Variants in RPGRIP1L observed in about 807,000 individuals in gnomAD.
RPGRIP1L encodes RPGRIP1 like.
In RPGRIP1L, 131 loss-of-function variants were observed where a neutral mutation model predicts 160.4. The ratio of observed to expected loss-of-function variants is 0.82; its 90% CI spans 0.71 to 0.94. The LOEUF is 0.94. Ranked by LOEUF, RPGRIP1L falls within the 40% of genes least tolerant of loss-of-function variation. RPGRIP1L has a pLI of 0.00. For synonymous variants in RPGRIP1L, 510 were observed against 515.8 expected (o/e 0.99, Z 0.15); for missense variants, 1,522 against 1,535.8 (o/e 0.99, Z 0.15).
At chr16:53,622,476 C>T (rs1964796874) in intron 22 of RPGRIP1L, 120 bp from the exon 23 acceptor site, 1 of 490,218 alleles carries the variant, frequency 2.0e-6, no homozygotes, top group East Asian at 3.2e-5. Context: ...CAATCCTATT[C>T]ATACTGTGTT....
chr16:53,663,118 G>C (rs909548064), intron 10 of RPGRIP1L, among the ~76,000 whole-genome samples: 3 of 151,762 alleles, frequency 2.0e-5, no homozygotes, highest in Non-Finnish European at 4.4e-5. Flanking sequence ...AATATTTTGT[G>C]GGTTGTGGGA....
At position 53,664,920 on chromosome 16, in the gene RPGRIP1L, G is replaced by C. The variant is rs774992231; in HGVS notation, c.1193C>G (p.Ser398Cys). 6.2e-7 allele frequency: 1 copy of C among 1,613,058 alleles called. No homozygotes were observed. The highest frequency in any genetic ancestry group is 1.1e-5 in the South Asian group (1 of 91,082). Residue 398 changes from serine (S) to cysteine (C), a missense_variant, in exon 10 of 27, where the codon TCT becomes TGT. Ser to Cys is a moderately radical substitution (Grantham distance 112). Coordinates refer to ENST00000647211, the MANE Select transcript of RPGRIP1L (RefSeq NM_015272.5). ...QIAQLETALK[S>C]DLTDKTEILD... is the part of the protein sequence containing the mutation. ...GATTTCAGTTTTGTCTGTTAAGTCA[G>C]ACTTCAAGGCAGTCTCGAGCTGAGC...
intron 4 of RPGRIP1L, among the ~76,000 whole-genome samples, chr16:53,688,350 T>A (rs1237753640): frequency 6.6e-6 from 1 of 152,080 alleles, no homozygotes. Context: ...AAGGGTTTTT[T>A]AAATTTTTAA....
chr16:53,614,212 C>T (rs1390398670), intron 24 of RPGRIP1L, among the ~76,000 whole-genome samples: 8 of 152,114 alleles, frequency 5.3e-5, no homozygotes, highest in Non-Finnish European at 1.0e-4. Flanking sequence ...GAAAATACTC[C>T]AGCTACTTAC....
At chr16:53,617,103 C>T (rs961814811) in intron 24 of RPGRIP1L, among the ~76,000 whole-genome samples, 5 of 85,852 alleles carry the variant, frequency 5.8e-5, no homozygotes, top group Non-Finnish European at 8.5e-5. Context: ...AAAAAAAGCA[C>T]AACTAACAAA....
chr16:53,602,181 A>G lies in RPGRIP1L; in HGVS notation c.3843T>C (p.Asp1281=). 6.2e-7 allele frequency: 1 copy of G among 1,610,564 alleles called. No individual in the cohort carries two copies. The highest frequency in any genetic ancestry group is 8.5e-7 in the Non-Finnish European group (1 of 1,176,808). The change falls in exon 27 of 27, where the codon GAT becomes GAC. Residue 1281 remains aspartate (D), a synonymous_variant. Coordinates refer to ENST00000647211, the MANE Select transcript of RPGRIP1L (RefSeq NM_015272.5). The stretch of plus-strand genomic sequence containing the variant: ...CAATACCTTCACCATCTGCTCGTGC[A>G]TCAAAAACTAGGGAGAAAAGAGCAG... The part of the protein sequence containing the change: ...DLIEQNIDVF[D]ARADGEGIGK...
At position 53,676,702 on chromosome 16, in the gene RPGRIP1L, C is replaced by T. The variant is rs561311067; in HGVS notation, c.777-1580G>A. On this transcript the variant is annotated intron_variant, in intron 6 of 26. Transcript: ENST00000647211. ...AGGCTGGAGTGTAGTGGCGCGATCT[C>T]GGCTACTGCAACCTCCGCCTCCTGG... Among the ~76,000 whole-genome samples, 14 of 152,128 alleles carry T rather than the reference C, an allele frequency of 9.2e-5. No individual in the cohort carries two copies. In the South Asian group the frequency reaches 1.0e-3, roughly 11 times the overall value.
chr16:53,607,594 ATGTTAAG>A (rs763086005), intron 25 of RPGRIP1L, among the ~76,000 whole-genome samples: 40 of 152,232 alleles, frequency 2.6e-4, no homozygotes, highest in Admixed American at 5.2e-4. Flanking sequence ...TGTAATAATA[ATGTTAAG>A]TGTTATCTTC....
intron 22 of RPGRIP1L, among the ~76,000 whole-genome samples, chr16:53,624,377 CCT>C (rs1472036695): frequency 6.8e-6 from 1 of 147,790 alleles, no homozygotes; most frequent in East Asian, 2.0e-4. Flanking sequence ...ACGGTGAAAC[CCT>C]GTTTCTATTA....
intron 24 of RPGRIP1L, among the ~76,000 whole-genome samples, chr16:53,618,320 C>G (rs1964502421): frequency 6.6e-6 from 1 of 152,140 alleles, no homozygotes; most frequent in Non-Finnish European, 1.5e-5. Flanking sequence ...CATGTGATGA[C>G]ATTGATCAGA....
At chr16:53,618,687 G>A (rs1324577685) in intron 24 of RPGRIP1L, among the ~76,000 whole-genome samples, 1 of 152,084 alleles carries the variant, frequency 6.6e-6, no homozygotes, top group Non-Finnish European at 1.5e-5. Context: ...GGGACTACAG[G>A]AGCGCAACAC....
Position 53,645,973 on chromosome 16 carries a change from G to C in RPGRIP1L, c.2335C>G (p.Leu779Val). 1 of 1,614,076 alleles carries C rather than the reference G, an allele frequency of 6.2e-7. No individual in the cohort carries two copies. The highest frequency in any genetic ancestry group is 1.1e-5 in the South Asian group (1 of 91,080). Residue 779 changes from leucine (L) to valine (V), a missense_variant, in exon 17 of 27, where the codon CTC becomes GTC. Physicochemically the swap from Leu to Val is conservative, Grantham distance 32. Transcript: ENST00000647211. ...CCATCTGTGGAATCTGTAGAACTGA[G>C]TTGAGCAGTTTTGGGTGCTTGCTGA... ...LSQQAPKTAQ[L>V]SSTDSTDGNL...
At chr16:53,622,508 C>T (rs1013122993) in intron 22 of RPGRIP1L, among the ~76,000 whole-genome samples, 152 bp from the exon 23 acceptor site, 2 of 152,110 alleles carry the variant, frequency 1.3e-5, no homozygotes, top group African/African-American at 4.8e-5. Context: ...CAGCCGATGA[C>T]ATCACCATCC....
chr16:53,696,499 T>C (rs1970768897), intron 2 of RPGRIP1L, among the ~76,000 whole-genome samples: 1 of 152,200 alleles, frequency 6.6e-6, no homozygotes, highest in Non-Finnish European at 1.5e-5. Flanking sequence ...ATACTTTATA[T>C]ACAGTTTTAG....
At chr16:53,603,713 A>G (rs928701808) in intron 26 of RPGRIP1L, among the ~76,000 whole-genome samples, 2 of 124,256 alleles carry the variant, frequency 1.6e-5, no homozygotes, top group Admixed American at 7.8e-5. Flanking sequence ...TGTGTGTTTA[A>G]TTCCAAGAAA....
At chr16:53,692,917 C>CT (rs1378317201) in intron 3 of RPGRIP1L, among the ~76,000 whole-genome samples, 1 of 152,168 alleles carries the variant, frequency 6.6e-6, no homozygotes, top group Non-Finnish European at 1.5e-5. Flanking sequence ...ATAAATGTTG[C>CT]TTAGTGCTCA....
At chr16:53,651,624 C>T (rs1966854214) in intron 15 of RPGRIP1L, among the ~76,000 whole-genome samples, 1 of 152,108 alleles carries the variant, frequency 6.6e-6, no homozygotes, top group South Asian at 2.1e-4. Flanking sequence ...AACATTCTTT[C>T]CCTGGATCCT....
intron 4 of RPGRIP1L, 140 bp from the exon 5 acceptor site, chr16:53,688,105 T>C: frequency 1.6e-6 from 1 of 616,232 alleles, no homozygotes; most frequent in South Asian, 2.0e-5. Context: ...GAATTATAAA[T>C]ACACTGCCAA....
rs149697924 is a variant in RPGRIP1L at position 53,689,062 on chromosome 16, C to CTA, written c.530-1099_530-1098dup. On this transcript the variant is annotated intron_variant, in intron 4 of 26. Transcript: ENST00000647211. Reference sequence around the variant, plus strand: ...CAGTCTCATGGTGATTTGCCAATGGCTATATATATATATATGTTATATATA... The same window carrying CTA: ...CAGTCTCATGGTGATTTGCCAATGGCTATATATATATATATATGTTATATATA... 6.9e-3 allele frequency among the ~76,000 whole-genome samples: 1,010 copies of CTA among 146,610 alleles called. 5 individuals are homozygous for CTA. The highest frequency in any genetic ancestry group is 0.022 in the African/African-American group (885 of 40,236).
Sources: allele counts gnomAD v4.1 joint callset (sites outside exome capture counted in the v4.1 genomes callset), GRCh38; gene constraint gnomAD v4.1.1; transcripts MANE v1.5; gene names NCBI Gene and HGNC (gene_info 2026-07-23, HGNC 2026-07-21).